Variants in MACROD2 observed in about 807,000 individuals in gnomAD.
MACROD2 encodes mono-ADP ribosylhydrolase 2.
A neutral mutation model predicts 70.4 loss-of-function variants in MACROD2; 36 were observed. That is an observed-to-expected ratio of 0.51 (90% CI 0.39 to 0.68). The LOEUF is 0.68. Among genes scored for constraint, MACROD2 ranks in the 30% least tolerant of loss-of-function variants. The probability of loss-of-function intolerance (pLI) is 0.00; values close to 1 mark genes in which losing one functional copy is unlikely to be tolerated. For synonymous variants in MACROD2, 172 were observed against 178.8 expected (o/e 0.96, Z 0.30); for missense variants, 496 against 538.4 (o/e 0.92, Z 0.78).
At chr20:15,640,292 G>A (rs551047894) in intron 8 of MACROD2, among the ~76,000 whole-genome samples, 1 of 152,136 alleles carries the variant, frequency 6.6e-6, no homozygotes, top group East Asian at 1.9e-4. Context: ...TAAAGGAAAA[G>A]GAGAGAGGAT....
intron 5 of MACROD2, among the ~76,000 whole-genome samples, chr20:14,928,609 A>G (rs1196880627): frequency 1.3e-5 from 2 of 152,164 alleles, no homozygotes; most frequent in Non-Finnish European, 2.9e-5. Context: ...TGGACGGGGA[A>G]TGTTTCAAAG....
chr20:14,575,896 C>T (rs904581493), intron 4 of MACROD2, among the ~76,000 whole-genome samples: 5 of 151,994 alleles, frequency 3.3e-5, no homozygotes, highest in South Asian at 2.1e-4. Context: ...ATCTTTCTGT[C>T]GAACAATACT....
intron 5 of MACROD2, among the ~76,000 whole-genome samples, chr20:15,099,256 T>C (rs1371594736): frequency 1.3e-5 from 2 of 152,298 alleles, no homozygotes; most frequent in African/African-American, 4.8e-5. Flanking sequence ...CCCTAACCAC[T>C]AAAGTGGTGG....
At chr20:15,282,340 C>T (rs748923752) in intron 6 of MACROD2, among the ~76,000 whole-genome samples, 3 of 152,166 alleles carry the variant, frequency 2.0e-5, no homozygotes, top group African/African-American at 4.8e-5. Context: ...TCTTTTTTAT[C>T]GTATTGTCAG....
At chr20:14,466,637 G>T (rs2084454273) in intron 3 of MACROD2, among the ~76,000 whole-genome samples, 1 of 152,032 alleles carries the variant, frequency 6.6e-6, no homozygotes, top group South Asian at 2.1e-4. Flanking sequence ...CGGTTTTTCT[G>T]CTCTGTTTTT....
chr20:14,791,727 C>T (rs1324210254), intron 5 of MACROD2, among the ~76,000 whole-genome samples: 1 of 151,702 alleles, frequency 6.6e-6, no homozygotes, highest in African/African-American at 2.4e-5. Context: ...TGAAGAAATT[C>T]GTATATGTAA....
chr20:16,016,318 A>T (rs2066927940), intron 15 of MACROD2, among the ~76,000 whole-genome samples: 1 of 152,026 alleles, frequency 6.6e-6, no homozygotes. Flanking sequence ...GCTTTGCTAA[A>T]TTTTTTCCTA....
chr20:15,161,381 GTAATA>G lies in MACROD2; in HGVS notation c.419-68551_419-68547del, dbSNP rs547580758. On this transcript the variant is annotated intron_variant, in intron 5 of 17. Coordinates refer to ENST00000684519, the MANE Select transcript of MACROD2 (RefSeq NM_001351661.2). ...AATAATTGTAATAACATATAATAAT[GTAATA>G]TAATATAGTATAATTAATAAAATAT... 3.6e-3 allele frequency among the ~76,000 whole-genome samples: 539 copies of G among 149,764 alleles called. 2 individuals are homozygous for G. Among genetic ancestry groups the G allele is most frequent in the African/African-American group, 0.012 (488 of 41,100 alleles).
At chr20:15,211,370 G>C (rs1390988737) in intron 5 of MACROD2, among the ~76,000 whole-genome samples, 3 of 152,056 alleles carry the variant, frequency 2.0e-5, no homozygotes. Flanking sequence ...TTTCCATTTT[G>C]AGCTATTATA....
intron 5 of MACROD2, among the ~76,000 whole-genome samples, chr20:14,896,655 A>C (rs1458480153): frequency 6.6e-6 from 1 of 152,082 alleles, no homozygotes; most frequent in Admixed American, 6.5e-5. Flanking sequence ...TCCATAAAAA[A>C]AAAAAAATGA....
At chr20:15,874,281 A>G (rs966114357) in intron 9 of MACROD2, among the ~76,000 whole-genome samples, 1 of 152,000 alleles carries the variant, frequency 6.6e-6, no homozygotes, top group African/African-American at 2.4e-5. Flanking sequence ...TCCATGGTGT[A>G]TATGTGCCAT....
rs1555788820 is a variant in MACROD2 at position 15,869,238 on chromosome 20, T to TAG, written c.727+6441_727+6442dup. Among the ~76,000 whole-genome samples the TAG allele has an allele frequency of 6.3e-3, 177 of 28,300 alleles. 8 individuals carry two copies. Among genetic ancestry groups the TAG allele is most frequent in the Middle Eastern group, 0.031 (1 of 32 alleles). 18.6% of individuals were successfully genotyped at this position (28,300 alleles called of 152,430 possible). Reference sequence around the variant, plus strand: ...ATATATATATATATATATATATATATAGAGAGAGAGAGAGAGAGAGAGAGA... The same window carrying TAG: ...ATATATATATATATATATATATATATAGAGAGAGAGAGAGAGAGAGAGAGAGA... On this transcript the variant is annotated intron_variant, in intron 9 of 17. Transcript: ENST00000684519.
intron 6 of MACROD2, among the ~76,000 whole-genome samples, chr20:15,427,633 A>G (rs2046315865): frequency 1.3e-5 from 2 of 152,144 alleles, no homozygotes; most frequent in Non-Finnish European, 2.9e-5. Context: ...ACAGTGAGGA[A>G]CTCTGAAGCT....
intron 3 of MACROD2, among the ~76,000 whole-genome samples, chr20:14,172,322 T>TTTTTA (rs58934307): frequency 6.7e-6 from 1 of 149,412 alleles, no homozygotes; most frequent in African/African-American, 2.5e-5. Flanking sequence ...TTTTTTTTTT[T>TTTTTA]GAGATGGAGT....
At chr20:14,763,802 A>G (rs928663348) in intron 5 of MACROD2, among the ~76,000 whole-genome samples, 3 of 152,070 alleles carry the variant, frequency 2.0e-5, no homozygotes, top group African/African-American at 7.3e-5. Flanking sequence ...GACGGTGTCT[A>G]GTGGCAGCTG....
At chr20:14,483,253 A>C (rs140902413) in intron 3 of MACROD2, among the ~76,000 whole-genome samples, 1 of 152,264 alleles carries the variant, frequency 6.6e-6, no homozygotes, top group East Asian at 1.9e-4. Context: ...GTTTTAGATG[A>C]ATGGAAGCAG....
At chr20:15,574,883 T>G (rs945462809) in intron 8 of MACROD2, among the ~76,000 whole-genome samples, 3 of 152,162 alleles carry the variant, frequency 2.0e-5, no homozygotes, top group Admixed American at 1.3e-4. Flanking sequence ...TTTAACAAGG[T>G]CATGTATGAA....
At chr20:14,169,618 T>TA (rs2081202197) in intron 3 of MACROD2, among the ~76,000 whole-genome samples, 1 of 152,048 alleles carries the variant, frequency 6.6e-6, no homozygotes, top group African/African-American at 2.4e-5. Context: ...ATACTTCTTT[T>TA]AAAAAATTTT....
intron 3 of MACROD2, among the ~76,000 whole-genome samples, chr20:14,232,469 A>G (rs974689094): frequency 5.9e-5 from 9 of 152,252 alleles, no homozygotes; most frequent in African/African-American, 2.2e-4. Context: ...AGCTAGATCT[A>G]GATAACTTGC....
Sources: gnomAD v4.1 joint callset for allele counts (sites outside exome capture counted in the v4.1 genomes callset) on GRCh38, gnomAD v4.1.1 for gene constraint, MANE v1.5 for transcripts, NCBI Gene and HGNC (gene_info 2026-07-23, HGNC 2026-07-21) for gene names.